The following SPON1 variants were observed in gnomAD, a reference collection of about 807,000 sequenced individuals.
The protein encoded by SPON1 is spondin-1.
Under a neutral mutation model 111.7 loss-of-function variants are expected in SPON1, and 52 were observed. The ratio of observed to expected loss-of-function variants is 0.47; its 90% CI spans 0.37 to 0.59. The LOEUF (loss-of-function observed/expected upper bound fraction) is 0.59. Ranked by LOEUF, SPON1 falls within the 20% of genes least tolerant of loss-of-function variation. The pLI is 0.00. For synonymous variants in SPON1, 410 were observed against 395.8 expected, an observed-to-expected ratio of 1.04 and a Z score of -0.43; for missense variants, 957 against 1,068.5, an observed-to-expected ratio of 0.90 and a Z score of 1.46.
intron 5 of SPON1, among the ~76,000 whole-genome samples, chr11:14,097,209 G>A (rs1332483430): frequency 6.6e-6 from 1 of 152,260 alleles, no homozygotes; most frequent in African/African-American, 2.4e-5. Flanking sequence ...AAGGAACAAC[G>A]TTATAAAGTA....
At chr11:14,219,454 G>A (rs898019297) in intron 6 of SPON1, among the ~76,000 whole-genome samples, 8 of 152,174 alleles carry the variant, frequency 5.3e-5, no homozygotes, top group Non-Finnish European at 8.8e-5. Flanking sequence ...GGGAAAAATC[G>A]ATGCAGATGA....
At chr11:13,963,269 C>G in intron 1 of SPON1, 127 bp downstream of exon 1, 2 of 658,090 alleles carry the variant, frequency 3.0e-6, no homozygotes, top group Non-Finnish European at 4.9e-6. Flanking sequence ...GGCAAGGGCC[C>G]TTCTGTCCTG....
chr11:14,067,797 A>G lies in SPON1; in HGVS notation c.480-7548A>G, dbSNP rs137976143. 4.2e-4 allele frequency among the ~76,000 whole-genome samples: 64 copies of G among 152,284 alleles called. 1 individual carries two copies. Among genetic ancestry groups the G allele is most frequent in the African/African-American group, 1.4e-3 (58 of 41,554 alleles). On this transcript the variant is annotated intron_variant, in intron 3 of 15. Transcript: ENST00000576479. ...GACTGGCATGTCTGATATTACCCCAAACAAAATGACAGCTCTGCAAGTGGG... is the reference window on the plus strand; with the variant it reads ...GACTGGCATGTCTGATATTACCCCAGACAAAATGACAGCTCTGCAAGTGGG...
chr11:14,178,426 A>G, intron 6 of SPON1, among the ~76,000 whole-genome samples: 1 of 151,790 alleles, frequency 6.6e-6, no homozygotes, highest in East Asian at 1.9e-4. Flanking sequence ...CGTCTCAAAA[A>G]AAAAAAAAAA....
chr11:14,229,913 A>G (rs1554938482), intron 6 of SPON1, among the ~76,000 whole-genome samples: 1 of 150,960 alleles, frequency 6.6e-6, no homozygotes, highest in African/African-American at 2.5e-5. Context: ...AAGAGAGGCC[A>G]GCCTGTGTGT....
At chr11:13,979,951 C>T (rs1208240397) in intron 1 of SPON1, among the ~76,000 whole-genome samples, 1 of 152,080 alleles carries the variant, frequency 6.6e-6, no homozygotes, top group African/African-American at 2.4e-5. Context: ...CAGCTCTGTC[C>T]CCTGACAGCA....
At chr11:14,199,554 C>A (rs1848438784) in intron 6 of SPON1, among the ~76,000 whole-genome samples, 1 of 152,132 alleles carries the variant, frequency 6.6e-6, no homozygotes, top group African/African-American at 2.4e-5. Context: ...CACTTCCTGC[C>A]TTTTCCCAAT....
intron 6 of SPON1, among the ~76,000 whole-genome samples, chr11:14,203,850 T>G (rs576947919): frequency 6.6e-6 from 1 of 152,312 alleles, no homozygotes; most frequent in South Asian, 2.1e-4. Context: ...AATTGATACA[T>G]TAATGCTGGT....
intron 5 of SPON1, among the ~76,000 whole-genome samples, chr11:14,127,502 C>G (rs1028078037): frequency 6.6e-6 from 1 of 152,128 alleles, no homozygotes; most frequent in African/African-American, 2.4e-5. Flanking sequence ...GACCCTCTCC[C>G]TTCCTATCCC....
intron 6 of SPON1, among the ~76,000 whole-genome samples, chr11:14,170,123 A>G (rs570744095): frequency 1.3e-5 from 2 of 152,246 alleles, no homozygotes; most frequent in Non-Finnish European, 2.9e-5. Flanking sequence ...CTTCCTACCC[A>G]TGAGCATGGA....
intron 6 of SPON1, among the ~76,000 whole-genome samples, chr11:14,165,527 G>T (rs1848019096): frequency 6.6e-6 from 1 of 152,280 alleles, no homozygotes. Flanking sequence ...TTACTACAGT[G>T]TTTAAAGTGA....
chr11:14,029,121 C>G (rs1848540049), intron 2 of SPON1, among the ~76,000 whole-genome samples: 1 of 113,530 alleles, frequency 8.8e-6, no homozygotes, highest in Non-Finnish European at 1.9e-5. Flanking sequence ...AGGCAGTGAC[C>G]CCTACACACA....
At chr11:14,053,703 A>G (rs782081534) in intron 3 of SPON1, among the ~76,000 whole-genome samples, 21 of 152,232 alleles carry the variant, frequency 1.4e-4, no homozygotes, top group Non-Finnish European at 2.1e-4. Context: ...CACACCATCC[A>G]TAGGAAGGAC....
At chr11:14,187,550 A>G (rs988518385) in intron 6 of SPON1, among the ~76,000 whole-genome samples, 1 of 152,140 alleles carries the variant, frequency 6.6e-6, no homozygotes, top group East Asian at 1.9e-4. Flanking sequence ...TAGCAAGGAC[A>G]TGTCATAGGT....
At chr11:14,162,189 G>A (rs555051813) in intron 6 of SPON1, among the ~76,000 whole-genome samples, 3,063 of 127,374 alleles carry the variant, frequency 0.024, 44 homozygotes, top group Non-Finnish European at 0.036. Context: ...AATAATGAAG[G>A]TTTTCTTAAA....
intron 2 of SPON1, among the ~76,000 whole-genome samples, chr11:14,012,531 C>CA (rs1554913836): frequency 2.6e-5 from 4 of 152,196 alleles, no homozygotes; most frequent in Non-Finnish European, 4.4e-5. Context: ...TGAGACTTTT[C>CA]TCCATAAATG....
intron 5 of SPON1, among the ~76,000 whole-genome samples, chr11:14,121,284 G>T (rs1169065181): frequency 2.0e-5 from 3 of 152,158 alleles, no homozygotes; most frequent in African/African-American, 7.2e-5. Flanking sequence ...TACATTAAAA[G>T]GGGTGAATAT....
intron 5 of SPON1, among the ~76,000 whole-genome samples, chr11:14,083,224 T>C (rs1285646428): frequency 6.6e-6 from 1 of 152,246 alleles, no homozygotes; most frequent in African/African-American, 2.4e-5. Context: ...GTCTTTTCTA[T>C]CTGGCTTAAT....
intron 2 of SPON1, among the ~76,000 whole-genome samples, chr11:14,023,070 T>A (rs559342894): frequency 1.3e-5 from 2 of 152,284 alleles, no homozygotes; most frequent in South Asian, 4.2e-4. Flanking sequence ...GGAGCTCTGC[T>A]TGTTTAAGGA....
Sources: allele counts gnomAD v4.1 joint callset (sites outside exome capture counted in the v4.1 genomes callset), GRCh38; gene constraint gnomAD v4.1.1; transcripts MANE v1.5; gene names NCBI Gene and HGNC (gene_info 2026-07-23, HGNC 2026-07-21).